TAMM41: variants seen among roughly 807,000 people sequenced by gnomAD.
TAMM41 encodes the protein TAM41 mitochondrial translocator assembly and maintenance homolog.
Under a neutral mutation model 44.1 loss-of-function variants are expected in TAMM41, and 36 were observed. The ratio of observed to expected loss-of-function variants is 0.82; its 90% confidence interval spans 0.63 to 1.08. The LOEUF is 1.08. TAMM41 is among the 50% of genes least tolerant of loss of function. The pLI, the probability that TAMM41 is intolerant of heterozygous loss-of-function variation, is 0.00. For missense variants in TAMM41, 417 were observed against 404.3 expected, an observed-to-expected ratio of 1.03 and a Z score of -0.27; for synonymous variants, 164 against 153.1, an observed-to-expected ratio of 1.07 and a Z score of -0.53.
chr3:11,845,077 G>C (rs1166564264), intron 1 of TAMM41: 1 of 443,354 alleles, frequency 2.3e-6, no homozygotes, highest in Non-Finnish European at 4.5e-6. Context: ...GCATGTTCTG[G>C]AAGCTGCCGT....
At chr3:11,749,691 C>T in the TAMM41 span, among the ~76,000 whole-genome samples, 1 of 152,110 alleles carries the variant, frequency 6.6e-6, no homozygotes. Flanking sequence ...ATGCAGGACA[C>T]CCAGATATGA....
intron 7 of TAMM41, among the ~76,000 whole-genome samples, chr3:11,801,436 T>C (rs907059196): frequency 1.3e-5 from 2 of 152,128 alleles, no homozygotes; most frequent in African/African-American, 4.8e-5. Flanking sequence ...GTGAGACTCC[T>C]GCCTCAGCCT....
chr3:11,786,283 A>T (rs1170052202), downstream of TAMM41, among the ~76,000 whole-genome samples: 318 of 126,406 alleles, frequency 2.5e-3, 1 homozygote, highest in African/African-American at 8.9e-3. Flanking sequence ...TTATTTATTT[A>T]ATTTTATTAT....
At chr3:11,744,269 T>A in the TAMM41 span, among the ~76,000 whole-genome samples, 3 of 152,038 alleles carry the variant, frequency 2.0e-5, no homozygotes, top group African/African-American at 7.2e-5. Flanking sequence ...GATTTCCCCA[T>A]GTTGGCCAAG....
the TAMM41 span, among the ~76,000 whole-genome samples, chr3:11,764,564 C>T: frequency 7.4e-6 from 1 of 136,008 alleles, no homozygotes; most frequent in Non-Finnish European, 1.5e-5. Flanking sequence ...GCGATCTCGG[C>T]TCACTGCAAG....
chr3:11,772,896 G>A, the TAMM41 span, among the ~76,000 whole-genome samples: 57 of 152,242 alleles, frequency 3.7e-4, no homozygotes, highest in Middle Eastern at 3.4e-3. Context: ...AGGCAGTTCC[G>A]AGAGATTAAG....
chr3:11,747,535 G>A, the TAMM41 span, among the ~76,000 whole-genome samples: 19 of 152,030 alleles, frequency 1.2e-4, no homozygotes, highest in Non-Finnish European at 2.4e-4. Flanking sequence ...TCAGGAGGCC[G>A]AGGTGGGATG....
chr3:11,792,788 G>A (rs1055607103), intron 7 of TAMM41, among the ~76,000 whole-genome samples: 8 of 152,168 alleles, frequency 5.3e-5, no homozygotes, highest in Non-Finnish European at 1.2e-4. Context: ...AGAGTGAAAT[G>A]ACATGGCTTA....
At chr3:11,821,042 C>T (rs921906224) in intron 4 of TAMM41, among the ~76,000 whole-genome samples, 3 of 152,180 alleles carry the variant, frequency 2.0e-5, no homozygotes, top group African/African-American at 7.2e-5. Flanking sequence ...CCTTCTGAGT[C>T]CTTCACTGTA....
chr3:11,825,379 A>G (rs1252437806), intron 4 of TAMM41, among the ~76,000 whole-genome samples: 1 of 152,200 alleles, frequency 6.6e-6, no homozygotes, highest in African/African-American at 2.4e-5. Flanking sequence ...GGCACAGAGA[A>G]GCAGGCTTCC....
chr3:11,764,710 T>G, the TAMM41 span, among the ~76,000 whole-genome samples: 7 of 151,850 alleles, frequency 4.6e-5, no homozygotes, highest in African/African-American at 7.3e-5. Context: ...GCCAGGATGG[T>G]CTCGATCTCC....
At chr3:11,805,061 T>C (rs1575621191) in intron 7 of TAMM41, among the ~76,000 whole-genome samples, 1 of 138,432 alleles carries the variant, frequency 7.2e-6, no homozygotes, top group African/African-American at 2.7e-5. Context: ...CCAGAGGCAG[T>C]GGCACAATCT....
At chr3:11,736,600 CT>C in the TAMM41 span, among the ~76,000 whole-genome samples, 2 of 152,136 alleles carry the variant, frequency 1.3e-5, no homozygotes, top group Non-Finnish European at 2.9e-5. Context: ...GCGTCTGGGT[CT>C]TTTATCGCTG....
intron 7 of TAMM41, among the ~76,000 whole-genome samples, chr3:11,802,534 G>T (rs903768490): frequency 3.9e-5 from 6 of 152,178 alleles, no homozygotes; most frequent in Admixed American, 1.3e-4. Flanking sequence ...CAGTAATGTA[G>T]TAGCAAGACT....
intron 7 of TAMM41, among the ~76,000 whole-genome samples, chr3:11,791,449 C>T (rs888207312): frequency 5.9e-5 from 9 of 152,032 alleles, no homozygotes; most frequent in African/African-American, 1.4e-4. Flanking sequence ...TCTGTGGATG[C>T]GATTATGGAC....
At chr3:11,795,619 A>C (rs1251519727) in intron 7 of TAMM41, among the ~76,000 whole-genome samples, 1 of 152,118 alleles carries the variant, frequency 6.6e-6, no homozygotes, top group South Asian at 2.1e-4. Flanking sequence ...CTCTGCCCTC[A>C]AAAGAAACCC....
chr3:11,788,945 C>G (rs1372356314), downstream of TAMM41, among the ~76,000 whole-genome samples: 1 of 147,258 alleles, frequency 6.8e-6, no homozygotes, highest in Non-Finnish European at 1.5e-5. Flanking sequence ...CTTGAAAAAA[C>G]AAAAAAGAAA....
the TAMM41 span, among the ~76,000 whole-genome samples, chr3:11,770,432 A>T: frequency 2.6e-5 from 4 of 152,194 alleles, no homozygotes; most frequent in Non-Finnish European, 4.4e-5. Flanking sequence ...GGCAGTTTCG[A>T]TCACTGGCTC....
intron 5 of TAMM41, among the ~76,000 whole-genome samples, chr3:11,811,789 A>G (rs11128573): frequency 0.15 from 22,713 of 152,158 alleles, 3,740 homozygotes; most frequent in East Asian, 0.48. Context: ...GGGTGAGGGG[A>G]GAGCTGGGGA....
Sources: allele counts gnomAD v4.1 joint callset (sites outside exome capture counted in the v4.1 genomes callset), GRCh38; gene constraint gnomAD v4.1.1; transcripts MANE v1.5; gene names NCBI Gene and HGNC (gene_info 2026-07-23, HGNC 2026-07-21).